RBFOX1: variants seen among roughly 807,000 people sequenced by gnomAD.
RBFOX1 encodes RNA binding protein fox-1 homolog 1.
A neutral mutation model predicts 57.7 loss-of-function variants in RBFOX1; 8 were observed. The observed-to-expected ratio is 0.14, with a 90% CI of 0.08 to 0.25. RBFOX1 has a LOEUF of 0.25. RBFOX1 is among the 10% of genes least tolerant of loss of function. The pLI, the probability that RBFOX1 is intolerant of heterozygous loss-of-function variation, is 1.00. For missense variants in RBFOX1, 611 were observed against 548.5 expected, an observed-to-expected ratio of 1.11 and a Z score of -1.14; for synonymous variants, 326 against 222.4, an observed-to-expected ratio of 1.47 and a Z score of -4.15.
At chr16:7,257,824 G>T (rs76754596) in intron 4 of RBFOX1, among the ~76,000 whole-genome samples, 4,336 of 152,280 alleles carry the variant, frequency 0.028, 97 homozygotes, top group Middle Eastern at 0.058. Flanking sequence ...CAAGCATTTA[G>T]CTAAGGAAAT....
At chr16:6,022,575 T>G (rs1203141705) in intron 1 of RBFOX1, among the ~76,000 whole-genome samples, 1 of 152,012 alleles carries the variant, frequency 6.6e-6, no homozygotes, top group Non-Finnish European at 1.5e-5. Context: ...CCAGCTACCC[T>G]GGAGGCTGAA....
intron 2 of RBFOX1, among the ~76,000 whole-genome samples, chr16:6,637,776 G>A (rs769532838): frequency 3.3e-5 from 5 of 151,726 alleles, no homozygotes; most frequent in African/African-American, 4.8e-5. Context: ...ACAAGTTGGC[G>A]TTATTTAGCA....
intron 2 of RBFOX1, among the ~76,000 whole-genome samples, chr16:6,501,131 CTTTTTTTT>C (rs1003003339): frequency 7.4e-5 from 8 of 107,914 alleles, no homozygotes; most frequent in Admixed American, 2.0e-4. Context: ...GTTAAACATT[CTTTTTTTT>C]TTTTTTTTTT....
intron 3 of RBFOX1, among the ~76,000 whole-genome samples, chr16:6,822,780 G>A (rs1040184217): frequency 1.1e-4 from 16 of 152,296 alleles, no homozygotes; most frequent in Non-Finnish European, 1.8e-4. Flanking sequence ...TGGGACAAGC[G>A]CGAGTATGGT....
At chr16:6,892,770 GTCTCCCTCTCTC>G (rs1385104720) in intron 3 of RBFOX1, among the ~76,000 whole-genome samples, 3,590 of 91,766 alleles carry the variant, frequency 0.039, 190 homozygotes, top group South Asian at 0.09. Flanking sequence ...AAGCCTCCCT[GTCTCCCTCTCTC>G]TCTCTCTCTC....
chr16:7,337,753 C>A (rs1352360852), intron 4 of RBFOX1, among the ~76,000 whole-genome samples: 1 of 152,040 alleles, frequency 6.6e-6, no homozygotes, highest in African/African-American at 2.4e-5. Context: ...GGCGCAATCT[C>A]GGCTCATTGC....
chr16:6,115,538 C>T (rs59379546), intron 1 of RBFOX1, among the ~76,000 whole-genome samples: 48,269 of 151,948 alleles, frequency 0.32, 11,085 homozygotes, highest in African/African-American at 0.63. Context: ...GTCTGCATAA[C>T]GTCTGTTTTT....
chr16:6,199,150 C>T (rs1035651431), intron 1 of RBFOX1, among the ~76,000 whole-genome samples: 3 of 151,996 alleles, frequency 2.0e-5, no homozygotes, highest in African/African-American at 7.2e-5. Context: ...TATTCATTTA[C>T]TTTTTGAACA....
intron 1 of RBFOX1, among the ~76,000 whole-genome samples, chr16:6,258,868 A>C (rs1243376382): frequency 6.6e-6 from 1 of 152,190 alleles, no homozygotes; most frequent in African/African-American, 2.4e-5. Flanking sequence ...CATCTCATGT[A>C]CCCCATAAAG....
intron 1 of RBFOX1, among the ~76,000 whole-genome samples, chr16:5,294,830 A>C (rs2063622951): frequency 6.6e-6 from 1 of 151,538 alleles, no homozygotes; most frequent in South Asian, 2.1e-4. Flanking sequence ...CAGGATTTCA[A>C]GATCTGCCTG....
intron 1 of RBFOX1, among the ~76,000 whole-genome samples, chr16:5,306,906 G>A (rs908844499): frequency 6.6e-6 from 1 of 152,180 alleles, no homozygotes; most frequent in Admixed American, 6.5e-5. Flanking sequence ...TCTAAGTCAA[G>A]GAGAATCATG....
intron 11 of RBFOX1, among the ~76,000 whole-genome samples, chr16:7,642,084 T>G (rs147918792): frequency 2.0e-3 from 303 of 152,278 alleles, no homozygotes; most frequent in African/African-American, 6.9e-3. Context: ...CACTGCACTC[T>G]AGCCTGGGGG....
At chr16:5,563,441 G>C (rs932987267) in intron 2 of RBFOX1, among the ~76,000 whole-genome samples, 14 of 152,128 alleles carry the variant, frequency 9.2e-5, no homozygotes, top group African/African-American at 2.9e-4. Flanking sequence ...TGAAATAATA[G>C]TTTTCTGGAA....
chr16:6,785,802 G>T (rs140461958), intron 3 of RBFOX1, among the ~76,000 whole-genome samples: 4 of 149,210 alleles, frequency 2.7e-5, no homozygotes, highest in Non-Finnish European at 4.5e-5. Flanking sequence ...AACAATGAGA[G>T]CATGATGAGA....
intron 3 of RBFOX1, among the ~76,000 whole-genome samples, chr16:6,821,733 T>C (rs1309325603): frequency 6.6e-6 from 1 of 152,256 alleles, no homozygotes; most frequent in Non-Finnish European, 1.5e-5. Flanking sequence ...TTTTTATGGC[T>C]GAATAATATT....
chr16:7,049,001 A>G (rs759793440), intron 3 of RBFOX1, among the ~76,000 whole-genome samples: 3 of 152,300 alleles, frequency 2.0e-5, no homozygotes, highest in South Asian at 2.1e-4. Context: ...GCAGTAGTCT[A>G]TTCCTTAGTT....
intron 3 of RBFOX1, among the ~76,000 whole-genome samples, chr16:5,745,556 C>G (rs1441075381): frequency 6.6e-6 from 1 of 152,190 alleles, no homozygotes; most frequent in Non-Finnish European, 1.5e-5. Context: ...TACAGTCCCA[C>G]CAGCAGTGTA....
intron 1 of RBFOX1, among the ~76,000 whole-genome samples, chr16:5,245,833 G>A (rs751356327): frequency 6.6e-6 from 1 of 152,214 alleles, no homozygotes; most frequent in Non-Finnish European, 1.5e-5. Context: ...CCAATCAAAT[G>A]TCAATTAACC....
chr16:5,829,803 C>T (rs1037620004), intron 3 of RBFOX1, among the ~76,000 whole-genome samples: 3 of 152,178 alleles, frequency 2.0e-5, no homozygotes, highest in African/African-American at 7.2e-5. Context: ...GCAGCAACTA[C>T]AGAATCAAAG....
Sources: gnomAD v4.1 joint callset for allele counts (sites outside exome capture counted in the v4.1 genomes callset) on GRCh38, gnomAD v4.1.1 for gene constraint, MANE v1.5 for transcripts, NCBI Gene and HGNC (gene_info 2026-07-23, HGNC 2026-07-21) for gene names.